SH3RF3: variants seen among roughly 807,000 people sequenced by gnomAD.
SH3RF3 encodes the protein E3 ubiquitin-protein ligase SH3RF3.
Under a neutral mutation model 66.3 loss-of-function variants are expected in SH3RF3, and 29 were observed. The ratio of observed to expected loss-of-function variants is 0.44; its 90% CI spans 0.33 to 0.60. SH3RF3 has a LOEUF of 0.60. Among genes scored for constraint, SH3RF3 ranks in the 20% least tolerant of loss-of-function variants. SH3RF3 has a pLI of 0.04. For missense variants in SH3RF3, 1,194 were observed against 1,190.9 expected (o/e 1.00, Z -0.04); for synonymous variants, 583 against 532.0 (o/e 1.10, Z -1.32).
chr2:109,278,817 G>A (rs994834077), intron 1 of SH3RF3, among the ~76,000 whole-genome samples: 3 of 152,178 alleles, frequency 2.0e-5, no homozygotes, highest in African/African-American at 4.8e-5. Flanking sequence ...GTATTGCATC[G>A]GCCAAGGCAA....
chr2:109,495,910 C>G lies in SH3RF3; in HGVS notation c.2480+4974C>G, dbSNP rs1679246589. 2.2e-5 allele frequency among the ~76,000 whole-genome samples: 3 copies of G among 138,886 alleles called. No individual in the cohort carries two copies. In the South Asian group the frequency reaches 6.8e-4, roughly 31 times the overall value. The allele number at this position is 138,886 out of a possible 152,430, so 91.1% of individuals were successfully genotyped here. On this transcript the variant is annotated intron_variant, in intron 9 of 9. Transcript: ENST00000309415. The stretch of plus-strand genomic sequence containing the variant: ...ACACCAGAAAAAGTATGAGTGCACA[C>G]TAAACACAACAATAATAATATATGC...
At chr2:109,412,335 C>G (rs1573231109) in intron 4 of SH3RF3, among the ~76,000 whole-genome samples, 2 of 152,336 alleles carry the variant, frequency 1.3e-5, no homozygotes, top group Middle Eastern at 3.4e-3. Context: ...AGTGCCGGGG[C>G]AGGCTTCAGG....
chr2:109,335,431 C>T (rs1004416797), intron 1 of SH3RF3, among the ~76,000 whole-genome samples: 4 of 152,196 alleles, frequency 2.6e-5, no homozygotes, highest in Admixed American at 2.0e-4. Context: ...ACCTCTTCCA[C>T]ACGCCACCTC....
chr2:109,243,291 C>T (rs1679832795), intron 1 of SH3RF3, among the ~76,000 whole-genome samples: 1 of 152,254 alleles, frequency 6.6e-6, no homozygotes, highest in African/African-American at 2.4e-5. Flanking sequence ...CCGTACACCG[C>T]ATGGATCCTG....
At chr2:109,211,627 C>T (rs563078195) in intron 1 of SH3RF3, among the ~76,000 whole-genome samples, 16 of 150,872 alleles carry the variant, frequency 1.1e-4, no homozygotes, top group Non-Finnish European at 1.6e-4. Flanking sequence ...ATGAGCCCTT[C>T]GGCCCTTCCT....
At chr2:109,213,606 A>G (rs1053913730) in intron 1 of SH3RF3, among the ~76,000 whole-genome samples, 5 of 152,316 alleles carry the variant, frequency 3.3e-5, no homozygotes, top group Middle Eastern at 3.4e-3. Flanking sequence ...GCTGTGTCCA[A>G]CACAGCAGGC....
intron 1 of SH3RF3, among the ~76,000 whole-genome samples, chr2:109,294,239 C>G (rs1231327964): frequency 6.6e-6 from 1 of 152,086 alleles, no homozygotes; most frequent in African/African-American, 2.4e-5. Flanking sequence ...ACATGGGGAG[C>G]TGCTCTGAAG....
chr2:109,322,019 C>T lies in SH3RF3; in HGVS notation c.574-25655C>T, dbSNP rs567091133. On this transcript the variant is annotated intron_variant, in intron 1 of 9. Coordinates refer to ENST00000309415, the MANE Select transcript of SH3RF3 (RefSeq NM_001099289.3). ...ATACCACATTTCAAGAAGTGGATGG[C>T]TCTTTTTAAAATAAGTCACCTTGGC... Among the ~76,000 whole-genome samples, 10 of 152,188 alleles carry T rather than the reference C, an allele frequency of 6.6e-5. No homozygotes were observed. In the East Asian group the frequency reaches 1.5e-3, roughly 24 times the overall value.
rs1676645654 is a variant in SH3RF3, at chr2:109,129,924, C to T, written c.384C>T (p.Gly128=). ...GCATCCGTCAGCGGCCCCGCGCGGG[C>T]ACCAGCCCCGGCGGCAGCCCGCCCG... is the stretch of plus-strand genomic sequence containing the variant. The part of the protein sequence containing the change: ...LDGIRQRPRA[G]TSPGGSPPAR... Residue 128 remains glycine, a synonymous_variant, in exon 1 of 10, where the codon GGC becomes GGT. Transcript: ENST00000309415. 1.3e-6 allele frequency: 2 copies of T among 1,493,476 alleles called. No individual in the cohort carries two copies. The highest frequency in any genetic ancestry group is 8.9e-7 in the Non-Finnish European group (1 of 1,127,698). The allele number at this position is 1,493,476 out of a possible 1,614,324, so 92.5% of individuals were successfully genotyped here. A position where few individuals can be genotyped will look rare whatever the true frequency, so the allele number is the denominator to read the frequency against.
At chr2:109,185,122 AT>A (rs1678156430) in intron 1 of SH3RF3, among the ~76,000 whole-genome samples, 1 of 152,192 alleles carries the variant, frequency 6.6e-6, no homozygotes, top group African/African-American at 2.4e-5. Context: ...GAATATATTC[AT>A]TTGTAGACAG....
chr2:109,428,172 AG>A (rs1324686139), intron 5 of SH3RF3, among the ~76,000 whole-genome samples: 3 of 152,234 alleles, frequency 2.0e-5, no homozygotes, highest in African/African-American at 7.2e-5. Flanking sequence ...CTGGGAGAAA[AG>A]TAGAAGTGGG....
chr2:109,133,542 T>C (rs1676745968), intron 1 of SH3RF3, among the ~76,000 whole-genome samples: 1 of 152,212 alleles, frequency 6.6e-6, no homozygotes, highest in Non-Finnish European at 1.5e-5. Flanking sequence ...TATGATTTTC[T>C]ATTTGTTTCT....
At chr2:109,428,449 G>A (rs1286279965) in intron 5 of SH3RF3, among the ~76,000 whole-genome samples, 8 of 152,206 alleles carry the variant, frequency 5.3e-5, no homozygotes, top group African/African-American at 1.7e-4. Flanking sequence ...TGCCCAGCTG[G>A]GTCAGCCGAG....
intron 2 of SH3RF3, among the ~76,000 whole-genome samples, chr2:109,365,811 T>C (rs1214912307): frequency 6.6e-6 from 1 of 152,254 alleles, no homozygotes; most frequent in Non-Finnish European, 1.5e-5. Context: ...TTGTGAACTA[T>C]GATCCTGCCA....
At chr2:109,169,000 G>C (rs1677694068) in intron 1 of SH3RF3, among the ~76,000 whole-genome samples, 1 of 152,170 alleles carries the variant, frequency 6.6e-6, no homozygotes, top group African/African-American at 2.4e-5. Flanking sequence ...AAGAAAGGCA[G>C]CTCATGAGTT....
intron 1 of SH3RF3, among the ~76,000 whole-genome samples, chr2:109,255,238 T>C (rs1574532435): frequency 6.6e-6 from 1 of 152,196 alleles, no homozygotes; most frequent in East Asian, 1.9e-4. Flanking sequence ...GAATAGTGCA[T>C]CTAGGTTGGA....
At chr2:109,468,967 G>A (rs866235443) in intron 8 of SH3RF3, among the ~76,000 whole-genome samples, 3 of 150,148 alleles carry the variant, frequency 2.0e-5, no homozygotes, top group South Asian at 2.1e-4. Flanking sequence ...GTGGTCTCCC[G>A]GGGGCTACTA....
intron 1 of SH3RF3, among the ~76,000 whole-genome samples, chr2:109,133,470 A>C (rs992637781): frequency 6.6e-6 from 1 of 152,230 alleles, no homozygotes; most frequent in African/African-American, 2.4e-5. Context: ...TTTTTTGAGT[A>C]CAGAGCTGAG....
chr2:109,231,453 T>C (rs911275171), intron 1 of SH3RF3, among the ~76,000 whole-genome samples: 5 of 152,228 alleles, frequency 3.3e-5, no homozygotes, highest in Admixed American at 1.3e-4. Context: ...GCAGACCAAG[T>C]CTCACCCACA....
Sources: allele counts gnomAD v4.1 joint callset (sites outside exome capture counted in the v4.1 genomes callset), GRCh38; gene constraint gnomAD v4.1.1; transcripts MANE v1.5; gene names NCBI Gene and HGNC (gene_info 2026-07-23, HGNC 2026-07-21).